Variants in PTPRJ observed in about 807,000 individuals in gnomAD.
PTPRJ encodes the protein receptor-type tyrosine-protein phosphatase eta.
PTPRJ carries 129 observed loss-of-function variants against 141.3 expected under a neutral mutation model. The ratio of observed to expected loss-of-function variants is 0.91; its 90% CI spans 0.79 to 1.06. The LOEUF is 1.06. Among genes scored for constraint, PTPRJ ranks in the 50% least tolerant of loss-of-function variants. The pLI is 0.00. For missense variants in PTPRJ, 1,601 were observed against 1,679.7 expected (o/e 0.95, Z 0.82); for synonymous variants, 610 against 640.5 (o/e 0.95, Z 0.72).
chr11:48,133,489 TTACC>T (rs1857023512), intron 8 of PTPRJ, among the ~76,000 whole-genome samples: 1 of 151,998 alleles, frequency 6.6e-6, no homozygotes, highest in African/African-American at 2.4e-5. Flanking sequence ...CTTAGGGGGG[TTACC>T]TTTCTATTAT....
chr11:48,027,258 C>T (rs749572831), intron 1 of PTPRJ, among the ~76,000 whole-genome samples: 8 of 150,774 alleles, frequency 5.3e-5, no homozygotes, highest in Non-Finnish European at 8.9e-5. Flanking sequence ...CCGCATGCCT[C>T]GGCCTCCCAA....
At chr11:48,124,066 T>C (rs1566733) in intron 5 of PTPRJ, among the ~76,000 whole-genome samples, 196 bp downstream of exon 5, 27,721 of 152,154 alleles carry the variant, frequency 0.18, 2,716 homozygotes, top group East Asian at 0.28. Context: ...GGGGAACACA[T>C]TGGGGCTGAG....
intron 1 of PTPRJ, among the ~76,000 whole-genome samples, chr11:47,996,015 G>A (rs1854325155): frequency 1.3e-5 from 2 of 149,172 alleles, no homozygotes; most frequent in South Asian, 4.2e-4. Context: ...TTCAGCCTGG[G>A]CAACAAGAAT....
chr11:48,120,420 C>T (rs1856675756), intron 3 of PTPRJ, among the ~76,000 whole-genome samples: 1 of 152,120 alleles, frequency 6.6e-6, no homozygotes, highest in Non-Finnish European at 1.5e-5. Context: ...CATTTTGCAT[C>T]TTTGATCTCT....
intron 1 of PTPRJ, among the ~76,000 whole-genome samples, chr11:48,058,164 T>C (rs1170986020): frequency 6.6e-6 from 1 of 152,080 alleles, no homozygotes; most frequent in African/African-American, 2.4e-5. Context: ...CACCTGCCTC[T>C]GACTCCCAAA....
intron 3 of PTPRJ, among the ~76,000 whole-genome samples, chr11:48,114,784 C>T (rs572621839): frequency 1.4e-4 from 22 of 151,904 alleles, no homozygotes; most frequent in Non-Finnish European, 2.8e-4. Flanking sequence ...TTTAAGGAAG[C>T]CTAGCAAACT....
chr11:48,158,012 C>A lies in PTPRJ; in HGVS notation c.3438+1893C>A, dbSNP rs1055209685. Among the ~76,000 whole-genome samples the A allele has an allele frequency of 1.3e-5, 2 of 151,998 alleles. No individual in the cohort carries two copies. Among genetic ancestry groups the A allele is most frequent in the African/African-American group, 2.4e-5 (1 of 41,384 alleles). On this transcript the variant is annotated intron_variant, in intron 21 of 24. Transcript: ENST00000418331. The surrounding 1 kb of genome is among the most constrained non-coding windows in gnomAD (Gnocchi z 4.4). ...ACTAAAAACACAAAAATTAGCCAGG[C>A]GTGGTGGTGCATGCCTGTAATCCCA...
At chr11:48,105,276 T>C (rs934150353) in intron 1 of PTPRJ, among the ~76,000 whole-genome samples, 3 of 151,460 alleles carry the variant, frequency 2.0e-5, no homozygotes, top group Admixed American at 2.0e-4. Flanking sequence ...CTGTGAGCTC[T>C]TGGGGAGTCA....
intron 24 of PTPRJ, among the ~76,000 whole-genome samples, chr11:48,166,887 G>C (rs117379429): frequency 0.046 from 6,940 of 152,272 alleles, 243 homozygotes; most frequent in Non-Finnish European, 0.075. Context: ...TTGTTCGAAT[G>C]TGTGTGTGCA....
At chr11:48,159,869 G>A (rs1857721451) in intron 21 of PTPRJ, 61 bp from the exon 22 acceptor site, 1 of 1,599,564 alleles carries the variant, frequency 6.3e-7, no homozygotes, top group East Asian at 2.2e-5. Flanking sequence ...CCCTTGTGAG[G>A]TTTTAGTGAT....
intron 1 of PTPRJ, among the ~76,000 whole-genome samples, chr11:47,993,727 C>T (rs961012488): frequency 4.6e-5 from 7 of 152,166 alleles, no homozygotes; most frequent in East Asian, 1.9e-4. Context: ...CTCTAGGCTC[C>T]GGCACTGATT....
At position 48,149,473 on chromosome 11, in the gene PTPRJ, C is replaced by T. The variant is rs756413094; in HGVS notation, c.3026C>T (p.Ser1009Phe). ...KRKDAKNNEV[S>F]FSQIKPKKSK... ...AAAGATGCAAAGAATAATGAAGTGT[C>T]CTTTTCTCAAATTAAGTAAGTCTCT... The change falls in exon 16 of 25, where the codon TCC becomes TTC. Residue 1009 changes from serine (S) to phenylalanine (F), a missense_variant. Physicochemically the swap from Ser to Phe is radical, Grantham distance 155. Transcript: ENST00000418331. The T allele has an allele frequency of 2.6e-6, 4 of 1,517,104 alleles. No homozygotes were observed. The highest frequency in any genetic ancestry group is 1.2e-5 in the South Asian group (1 of 83,348). 94.0% of individuals were successfully genotyped at this position (1,517,104 alleles called of 1,614,324 possible).
At chr11:48,067,939 T>C (rs1201631256) in intron 1 of PTPRJ, among the ~76,000 whole-genome samples, 1 of 152,232 alleles carries the variant, frequency 6.6e-6, no homozygotes, top group Non-Finnish European at 1.5e-5. Flanking sequence ...CATGTCTCAA[T>C]AGGCCCCGAA....
chr11:48,157,501 A>G (rs933705447), intron 21 of PTPRJ, among the ~76,000 whole-genome samples: 7 of 152,202 alleles, frequency 4.6e-5, no homozygotes. Flanking sequence ...CATCACCAGG[A>G]GGGTGGTTCT....
intron 1 of PTPRJ, among the ~76,000 whole-genome samples, chr11:48,005,686 C>T (rs191303689): frequency 8.8e-4 from 134 of 152,232 alleles, no homozygotes; most frequent in African/African-American, 3.0e-3. Context: ...TGTGTGGCCA[C>T]GGGTTTTCAA....
chr11:48,013,771 G>A (rs1363645646), intron 1 of PTPRJ, among the ~76,000 whole-genome samples: 1 of 152,172 alleles, frequency 6.6e-6, no homozygotes, highest in Non-Finnish European at 1.5e-5. Context: ...CACCCTGTGG[G>A]CGGCCACCTG....
intron 1 of PTPRJ, among the ~76,000 whole-genome samples, chr11:48,053,840 G>T (rs923471533): frequency 1.3e-5 from 2 of 150,808 alleles, no homozygotes; most frequent in Non-Finnish European, 2.9e-5. Flanking sequence ...CTCCCAAAGG[G>T]CTGGGATTAC....
chr11:47,989,095 G>T (rs1174630939), intron 1 of PTPRJ, among the ~76,000 whole-genome samples: 2 of 150,890 alleles, frequency 1.3e-5, no homozygotes, highest in African/African-American at 4.9e-5. Flanking sequence ...GTGTTAGCCA[G>T]GATGGTCTCG....
At chr11:48,015,059 G>T (rs1854916251) in intron 1 of PTPRJ, among the ~76,000 whole-genome samples, 1 of 152,044 alleles carries the variant, frequency 6.6e-6, no homozygotes, top group African/African-American at 2.4e-5. Flanking sequence ...AAGAGACTTG[G>T]CCACTTTGGC....
Sources: allele counts gnomAD v4.1 joint callset (sites outside exome capture counted in the v4.1 genomes callset), GRCh38; gene constraint gnomAD v4.1.1; non-coding constraint Gnocchi (gnomAD v3.1); transcripts MANE v1.5; gene names NCBI Gene and HGNC (gene_info 2026-07-23, HGNC 2026-07-21).